TG: variants seen among roughly 807,000 people sequenced by gnomAD.
TG encodes the protein thyroglobulin, also known as thyroid hormones.
Under a neutral mutation model 324.7 loss-of-function variants are expected in TG, and 270 were observed. That is an observed-to-expected ratio of 0.83 (90% CI 0.75 to 0.92). TG has a LOEUF of 0.92. Ranked by LOEUF, TG falls within the 40% of genes least tolerant of loss-of-function variation. TG has a pLI of 0.00. For missense variants in TG, 3,591 were observed against 3,456.4 expected, an observed-to-expected ratio of 1.04 and a Z score of -0.98; for synonymous variants, 1,401 against 1,327.0, an observed-to-expected ratio of 1.06 and a Z score of -1.21.
chr8:133,134,550 C>T, intron 47 of TG, 126 bp from the exon 48 acceptor site: 2 of 871,156 alleles, frequency 2.3e-6, no homozygotes, highest in South Asian at 1.4e-5. Flanking sequence ...GTGGAAAATT[C>T]CCTCTAAAGG....
chr8:133,018,518 A>C (rs869767), intron 38 of TG, among the ~76,000 whole-genome samples: 73,381 of 151,578 alleles, frequency 0.48, 18,908 homozygotes, highest in African/African-American at 0.65. Context: ...CCACTAGGAA[A>C]AAAATTACAA....
chr8:132,989,298 T>A (rs997093957), intron 35 of TG, among the ~76,000 whole-genome samples: 2 of 152,214 alleles, frequency 1.3e-5, no homozygotes, highest in East Asian at 3.8e-4. Flanking sequence ...ACTATTTGGA[T>A]TGAAAGCCAG....
At chr8:132,977,735 A>G (rs1396544231) in intron 34 of TG, among the ~76,000 whole-genome samples, 1 of 152,184 alleles carries the variant, frequency 6.6e-6, no homozygotes, top group Non-Finnish European at 1.5e-5. Context: ...CCATGATTCA[A>G]TCATCTCCCA....
intron 13 of TG, among the ~76,000 whole-genome samples, 160 bp from the exon 14 acceptor site, chr8:132,898,638 A>G (rs1817473112): frequency 6.6e-6 from 1 of 152,196 alleles, no homozygotes; most frequent in African/African-American, 2.4e-5. Context: ...CAAAGCTGGC[A>G]TGTCCCACAT....
intron 37 of TG, among the ~76,000 whole-genome samples, chr8:133,015,036 C>A (rs1834896081): frequency 2.0e-5 from 3 of 152,126 alleles, no homozygotes; most frequent in Admixed American, 2.0e-4. Flanking sequence ...TGATGCCCAG[C>A]TAATTTTTCT....
chr8:132,935,359 G>A (rs1823425373), intron 24 of TG, among the ~76,000 whole-genome samples: 1 of 151,836 alleles, frequency 6.6e-6, no homozygotes, highest in African/African-American at 2.4e-5. Flanking sequence ...GGTCAGGCTG[G>A]TCTTGAACTC....
intron 33 of TG, chr8:132,972,258 C>T: frequency 2.2e-6 from 1 of 459,820 alleles, no homozygotes; most frequent in Non-Finnish European, 4.0e-6. Flanking sequence ...TCTCCCTGAG[C>T]CTCTGTTTCC....
chr8:133,012,083 C>G, intron 36 of TG, 48 bp downstream of exon 36: 1 of 1,612,782 alleles, frequency 6.2e-7, no homozygotes, highest in South Asian at 1.1e-5. Context: ...AAACCTCACA[C>G]AAGTGCTGCT....
chr8:133,008,885 C>A (rs1296764313), intron 35 of TG, among the ~76,000 whole-genome samples: 2 of 152,244 alleles, frequency 1.3e-5, no homozygotes, highest in African/African-American at 2.4e-5. Flanking sequence ...AGAGCCCCAA[C>A]TTTCCTGCTT....
intron 26 of TG, among the ~76,000 whole-genome samples, chr8:132,942,053 T>A (rs1824524551): frequency 6.6e-6 from 1 of 152,232 alleles, no homozygotes; most frequent in Admixed American, 6.5e-5. Flanking sequence ...AATAGGCCTA[T>A]CATTTTGAAT....
intron 35 of TG, among the ~76,000 whole-genome samples, chr8:133,008,283 C>T (rs1834198285): frequency 6.6e-6 from 1 of 152,028 alleles, no homozygotes; most frequent in Admixed American, 6.5e-5. Flanking sequence ...GAAACTTTTA[C>T]CATTTGATGA....
chr8:132,893,068 G>C, intron 10 of TG, among the ~76,000 whole-genome samples: 1 of 149,006 alleles, frequency 6.7e-6, no homozygotes, highest in Non-Finnish European at 1.5e-5. Flanking sequence ...GTGTGTGTAT[G>C]TGTGTGGGTG....
chr8:132,961,154 A>G, intron 28 of TG, 81 bp downstream of exon 28: 2 of 1,383,910 alleles, frequency 1.4e-6, no homozygotes, highest in Non-Finnish European at 2.1e-6. Context: ...TTCACAGGGC[A>G]CTCTATTTCT....
At chr8:133,057,092 C>T (rs1263741766) in intron 41 of TG, among the ~76,000 whole-genome samples, 1 of 151,974 alleles carries the variant, frequency 6.6e-6, no homozygotes. Flanking sequence ...GCCCCACCCG[C>T]CCCCTTCTTT....
At chr8:133,003,638 T>C (rs1298031482) in intron 35 of TG, among the ~76,000 whole-genome samples, 1 of 152,170 alleles carries the variant, frequency 6.6e-6, no homozygotes, top group African/African-American at 2.4e-5. Context: ...TATGGTGCTT[T>C]CTAGAAAGGA....
chr8:132,898,756 C>A (rs765725784), intron 13 of TG, 42 bp from the exon 14 acceptor site: 8 of 1,582,912 alleles, frequency 5.1e-6, no homozygotes, highest in Admixed American at 3.3e-5. Flanking sequence ...TTTCTCTTGG[C>A]TCCCACGACC....
chr8:132,968,720 G>A (rs1368046426), intron 31 of TG, among the ~76,000 whole-genome samples: 4 of 152,190 alleles, frequency 2.6e-5, no homozygotes, highest in Admixed American at 2.6e-4. Context: ...GTTGCCCTTT[G>A]GGGAATTCCT....
At chr8:132,910,405 T>A (rs1587364817) in intron 18 of TG, among the ~76,000 whole-genome samples, 1 of 152,354 alleles carries the variant, frequency 6.6e-6, no homozygotes, top group East Asian at 1.9e-4. Flanking sequence ...AAGCTTTTGA[T>A]AAACTGACTT....
At chr8:132,984,071 C>CT in intron 35 of TG, among the ~76,000 whole-genome samples, 1 of 152,194 alleles carries the variant, frequency 6.6e-6, no homozygotes, top group Non-Finnish European at 1.5e-5. Context: ...CAGCATGGGC[C>CT]TCACTGCACC....
Sources: allele counts gnomAD v4.1 joint callset (sites outside exome capture counted in the v4.1 genomes callset), GRCh38; gene constraint gnomAD v4.1.1; transcripts MANE v1.5; gene names NCBI Gene and HGNC (gene_info 2026-07-23, HGNC 2026-07-21).